The following RBMS3 variants were observed in gnomAD, a reference collection of about 807,000 sequenced individuals.
RBMS3 encodes the protein RNA-binding motif, single-stranded-interacting protein 3.
Under a neutral mutation model 66.8 loss-of-function variants are expected in RBMS3, and 27 were observed. The ratio of observed to expected loss-of-function variants is 0.40; its 90% CI spans 0.30 to 0.56. The LOEUF is 0.56. Ranked by LOEUF, RBMS3 falls within the 20% of genes least tolerant of loss-of-function variation. The probability of loss-of-function intolerance (pLI) is 0.40; values close to 1 mark genes in which losing one functional copy is unlikely to be tolerated. For missense variants in RBMS3, 513 were observed against 549.5 expected (o/e 0.93, Z 0.66); for synonymous variants, 188 against 183.0 (o/e 1.03, Z -0.22).
intron 8 of RBMS3, among the ~76,000 whole-genome samples, chr3:29,896,857 T>C (rs2060134260): frequency 6.6e-6 from 1 of 151,578 alleles, no homozygotes. Flanking sequence ...CCAGAAAACA[T>C]TCCCATTCCA....
At chr3:29,974,667 T>C (rs965642662) in intron 12 of RBMS3, among the ~76,000 whole-genome samples, 2 of 151,370 alleles carry the variant, frequency 1.3e-5, no homozygotes, top group Non-Finnish European at 3.0e-5. Context: ...TTTTTAAGCT[T>C]TAAGAAAAAT....
At chr3:29,702,497 TCTGTGGAAG>T (rs1377080842) in intron 4 of RBMS3, among the ~76,000 whole-genome samples, 2 of 152,184 alleles carry the variant, frequency 1.3e-5, no homozygotes, top group African/African-American at 4.8e-5. Flanking sequence ...CCTCTTTCAC[TCTGTGGAAG>T]CTTTGTTCTT....
chr3:29,725,879 T>C (rs2053846944), intron 4 of RBMS3, among the ~76,000 whole-genome samples: 1 of 152,100 alleles, frequency 6.6e-6, no homozygotes, highest in African/African-American at 2.4e-5. Flanking sequence ...ATCATCCTGA[T>C]AACAAAACCT....
intron 1 of RBMS3, among the ~76,000 whole-genome samples, chr3:29,412,269 T>A (rs186356980): frequency 6.6e-6 from 1 of 152,294 alleles, no homozygotes; most frequent in Admixed American, 6.5e-5. Context: ...CGAATACATT[T>A]CCATAAGCCA....
chr3:29,422,164 G>A (rs574541153), intron 1 of RBMS3, among the ~76,000 whole-genome samples: 3 of 152,234 alleles, frequency 2.0e-5, no homozygotes, highest in Non-Finnish European at 2.9e-5. Context: ...TTGAGCCTGC[G>A]TTGTGTGTCT....
intron 6 of RBMS3, among the ~76,000 whole-genome samples, chr3:29,850,251 C>T (rs1054308587): frequency 1.2e-4 from 18 of 152,132 alleles, no homozygotes; most frequent in East Asian, 1.9e-4. Context: ...CTGTTAGTTT[C>T]TTTAAGCTCC....
intron 4 of RBMS3, among the ~76,000 whole-genome samples, chr3:29,733,781 C>A (rs1372169664): frequency 6.6e-6 from 1 of 151,978 alleles, no homozygotes; most frequent in Non-Finnish European, 1.5e-5. Flanking sequence ...GCTTTTGTTG[C>A]CTGTGCTTTT....
At chr3:29,583,141 AC>A (rs2047389510) in intron 3 of RBMS3, among the ~76,000 whole-genome samples, 1 of 152,170 alleles carries the variant, frequency 6.6e-6, no homozygotes, top group Non-Finnish European at 1.5e-5. Context: ...TTTAGCCAGA[AC>A]ATCCCTGATT....
chr3:29,358,106 G>A (rs74504458), intron 1 of RBMS3, among the ~76,000 whole-genome samples: 12,373 of 152,086 alleles, frequency 0.081, 818 homozygotes, highest in African/African-American at 0.18. Flanking sequence ...TGTTTTAGAC[G>A]TGAAGTCCTT....
At chr3:29,538,248 A>G (rs763768601) in intron 3 of RBMS3, among the ~76,000 whole-genome samples, 14 of 152,262 alleles carry the variant, frequency 9.2e-5, no homozygotes, top group Non-Finnish European at 2.1e-4. Context: ...AAACACATTT[A>G]TAAACTGTTT....
intron 1 of RBMS3, among the ~76,000 whole-genome samples, chr3:29,401,379 C>G (rs776839242): frequency 2.0e-5 from 3 of 152,030 alleles, no homozygotes; most frequent in Non-Finnish European, 4.4e-5. Flanking sequence ...AACTTGAAAT[C>G]TAACTAGGCT....
chr3:29,644,117 G>A (rs533415391), intron 4 of RBMS3, among the ~76,000 whole-genome samples: 48 of 152,162 alleles, frequency 3.2e-4, no homozygotes, highest in Non-Finnish European at 5.1e-4. Context: ...TAATAGAGGG[G>A]AATTCTAGTC....
chr3:29,763,624 T>G (rs1192733687), intron 6 of RBMS3, among the ~76,000 whole-genome samples: 1 of 152,050 alleles, frequency 6.6e-6, no homozygotes, highest in African/African-American at 2.4e-5. Context: ...TTTATACACA[T>G]TATAAAGTGT....
intron 1 of RBMS3, among the ~76,000 whole-genome samples, chr3:29,294,648 A>G (rs2033093983): frequency 6.6e-6 from 1 of 151,680 alleles, no homozygotes; most frequent in Non-Finnish European, 1.5e-5. Context: ...TTCCTCAGCA[A>G]TTGCCAAGAA....
intron 1 of RBMS3, among the ~76,000 whole-genome samples, chr3:29,327,326 G>T: frequency 6.6e-6 from 1 of 152,042 alleles, no homozygotes; most frequent in Non-Finnish European, 1.5e-5. Context: ...TGTAAATTAT[G>T]CCTGAAAAAA....
chr3:29,844,424 A>G (rs985109639), intron 6 of RBMS3, among the ~76,000 whole-genome samples: 6 of 152,216 alleles, frequency 3.9e-5, no homozygotes, highest in African/African-American at 1.4e-4. Context: ...GGTTTGTTAG[A>G]GAACACAGAG....
At chr3:29,469,561 T>C (rs2042649480) in intron 2 of RBMS3, among the ~76,000 whole-genome samples, 2 of 151,786 alleles carry the variant, frequency 1.3e-5, no homozygotes, top group African/African-American at 4.8e-5. Context: ...TACACCATCA[T>C]GATTGAATTC....
intron 6 of RBMS3, among the ~76,000 whole-genome samples, chr3:29,847,794 T>C (rs1481163744): frequency 2.6e-5 from 4 of 152,266 alleles, no homozygotes; most frequent in South Asian, 4.1e-4. Context: ...TAGCTGGGAC[T>C]ACAGGCGCTC....
intron 1 of RBMS3, among the ~76,000 whole-genome samples, chr3:29,407,213 A>G (rs2040059705): frequency 6.6e-6 from 1 of 152,214 alleles, no homozygotes; most frequent in Admixed American, 6.5e-5. Context: ...AAAGTGGTTT[A>G]ACATCTGCTC....
Sources: gnomAD v4.1 joint callset for allele counts (sites outside exome capture counted in the v4.1 genomes callset) on GRCh38, gnomAD v4.1.1 for gene constraint, MANE v1.5 for transcripts, NCBI Gene and HGNC (gene_info 2026-07-23, HGNC 2026-07-21) for gene names.